VKORC1L1: variants seen among roughly 807,000 people sequenced by gnomAD.
VKORC1L1 encodes the protein vitamin K epoxide reductase complex subunit 1-like protein 1.
VKORC1L1 carries 2 observed loss-of-function variants against 18.9 expected under a neutral mutation model. The observed-to-expected ratio is 0.11, with a 90% confidence interval of 0.04 to 0.33. The LOEUF is 0.33. Ranked by LOEUF, VKORC1L1 falls within the 10% of genes least tolerant of loss-of-function variation. The pLI is 1.00. For synonymous variants in VKORC1L1, 96 were observed against 100.0 expected (o/e 0.96, Z 0.24); for missense variants, 123 against 224.1 (o/e 0.55, Z 2.88).
chr7:65,907,669 A>C (rs1789428264), intron 1 of VKORC1L1, among the ~76,000 whole-genome samples: 1 of 152,178 alleles, frequency 6.6e-6, no homozygotes, highest in African/African-American at 2.4e-5. Context: ...ATTTTGTTTT[A>C]ATCAGAGAGA....
chr7:65,953,758 T>C (rs992406257), intron 2 of VKORC1L1, among the ~76,000 whole-genome samples: 2 of 152,062 alleles, frequency 1.3e-5, no homozygotes, highest in African/African-American at 2.4e-5. Context: ...CCTGGCTACT[T>C]GGGAGGCTGA....
chr7:65,952,304 T>C (rs774078183), intron 2 of VKORC1L1, among the ~76,000 whole-genome samples: 1 of 152,208 alleles, frequency 6.6e-6, no homozygotes, highest in Non-Finnish European at 1.5e-5. Context: ...TCAACTCTTC[T>C]AGTATGAAAG....
rs564961104 is a variant in VKORC1L1 at position 65,921,776 on chromosome 7, A to T, written c.195-26895A>T. ...GGCAGGAGAATGGCATGAACCCGGG[A>T]GGCGGAGCTTGCAGTGAGCGGAGAT... On this transcript the variant is annotated intron_variant, in intron 1 of 2. Coordinates refer to ENST00000360768, the MANE Select transcript of VKORC1L1 (RefSeq NM_173517.6). Among the ~76,000 whole-genome samples, 163 of 151,490 alleles carry T rather than the reference A, an allele frequency of 1.1e-3. 2 individuals carry two copies. The highest frequency in any genetic ancestry group is 3.7e-3 in the African/African-American group (154 of 41,348).
At chr7:65,939,089 G>A (rs921529679) in intron 1 of VKORC1L1, among the ~76,000 whole-genome samples, 1 of 152,214 alleles carries the variant, frequency 6.6e-6, no homozygotes, top group Non-Finnish European at 1.5e-5. Context: ...AGAACATCAC[G>A]TAAGAGATTA....
intron 1 of VKORC1L1, among the ~76,000 whole-genome samples, chr7:65,898,267 A>G (rs1238542388): frequency 6.6e-6 from 1 of 151,574 alleles, no homozygotes; most frequent in Non-Finnish European, 1.5e-5. Context: ...TTGTATTTTT[A>G]GTAGAGACGG....
rs1790337459 is a variant in VKORC1L1 at position 65,958,477 on chromosome 7, A to AAT, written c.*4180_*4181dup. ...TAACTGGTAAATAAAACCAAATGTA[A>AAT]ATATGTAAGAATGTTTATTTGTTGC... On this transcript the variant is annotated 3_prime_UTR_variant, in exon 3 of 3. Transcript: ENST00000360768. The AAT allele has an allele frequency of 6.6e-6, 1 of 152,244 alleles. No individual in the cohort carries two copies. The allele number at this position is 152,244 out of a possible 1,614,324, so 9.4% of individuals were successfully genotyped here. A position where few individuals can be genotyped will look rare whatever the true frequency, so the allele number is the denominator to read the frequency against.
intron 1 of VKORC1L1, among the ~76,000 whole-genome samples, chr7:65,882,989 A>G (rs949485818): frequency 2.6e-5 from 4 of 152,218 alleles, no homozygotes; most frequent in African/African-American, 7.2e-5. Context: ...TTTATCATCT[A>G]TTCATCTTTG....
rs1304656231 is a variant in VKORC1L1, at chr7:65,955,647, A to G, written c.*1347A>G. On this transcript the variant is annotated 3_prime_UTR_variant, in exon 3 of 3. Transcript: ENST00000360768. The stretch of plus-strand genomic sequence containing the variant: ...GCCTTCTGTCTTAAATCTCAAACCA[A>G]ATATTTTGTGTGTTGACCTTGGGCA... 6.6e-6 allele frequency: 1 copy of G among 152,116 alleles called. No homozygotes were observed. Among genetic ancestry groups the G allele is most frequent in the Non-Finnish European group, 1.5e-5 (1 of 68,024 alleles). The allele number at this position is 152,116 out of a possible 1,614,324, so 9.4% of individuals were successfully genotyped here.
At chr7:65,866,792 G>A in the VKORC1L1 span, among the ~76,000 whole-genome samples, 7 of 151,918 alleles carry the variant, frequency 4.6e-5, no homozygotes, top group Non-Finnish European at 7.4e-5. Context: ...ATGCACATGC[G>A]GTCACAGCTA....
At chr7:65,909,690 T>TTGTGTGTGTGTGTGTGTGTG (rs56074368) in intron 1 of VKORC1L1, among the ~76,000 whole-genome samples, 7 of 123,842 alleles carry the variant, frequency 5.7e-5, no homozygotes, top group African/African-American at 1.9e-4. Flanking sequence ...GTTTTAGCCT[T>TTGTGTGTGTGTGTGTGTGTG]TGTGTGTGTG....
At chr7:65,911,710 GGCATGA>G (rs1789505302) in intron 1 of VKORC1L1, among the ~76,000 whole-genome samples, 1 of 152,196 alleles carries the variant, frequency 6.6e-6, no homozygotes, top group South Asian at 2.1e-4. Context: ...TGGGATCACA[GGCATGA>G]GCCACCATGC....
At chr7:65,913,371 A>C (rs1789533722) in intron 1 of VKORC1L1, among the ~76,000 whole-genome samples, 1 of 151,916 alleles carries the variant, frequency 6.6e-6, no homozygotes, top group East Asian at 1.9e-4. Context: ...TACAGCAGTC[A>C]AATAGGAGTT....
intron 1 of VKORC1L1, among the ~76,000 whole-genome samples, chr7:65,929,489 C>G (rs1789821563): frequency 6.6e-6 from 1 of 151,982 alleles, no homozygotes; most frequent in East Asian, 1.9e-4. Context: ...TGTCCTTTCA[C>G]CACTACCACA....
At chr7:65,902,049 A>G (rs1268011669) in intron 1 of VKORC1L1, among the ~76,000 whole-genome samples, 1 of 152,224 alleles carries the variant, frequency 6.6e-6, no homozygotes, top group Non-Finnish European at 1.5e-5. Context: ...TGTGTGTGAG[A>G]ACAAAGTCCA....
In VKORC1L1 at chr7:65,955,142, G is replaced by A. The variant is rs1246420980; in HGVS notation, c.*842G>A. The A allele has an allele frequency of 6.6e-6, 1 of 152,150 alleles. No homozygotes were observed. The highest frequency in any genetic ancestry group is 1.5e-5 in the Non-Finnish European group (1 of 68,042). 9.4% of individuals were successfully genotyped at this position (152,150 alleles called of 1,614,324 possible). A position where few individuals can be genotyped will look rare whatever the true frequency, so the allele number is the denominator to read the frequency against. On this transcript the variant is annotated 3_prime_UTR_variant, in exon 3 of 3. Coordinates refer to ENST00000360768, the MANE Select transcript of VKORC1L1 (RefSeq NM_173517.6). ...CAAGTCCAAGGCCTTCAGACACTAA[G>A]GATGGGAAAATGGGTATTTTTCTTT...
chr7:65,901,108 G>A (rs1181200371), intron 1 of VKORC1L1, among the ~76,000 whole-genome samples: 1 of 152,212 alleles, frequency 6.6e-6, no homozygotes, highest in African/African-American at 2.4e-5. Context: ...AGAGTTTAGT[G>A]TCAAACTAAG....
At chr7:65,875,099 G>T (rs1397033963) in intron 1 of VKORC1L1, among the ~76,000 whole-genome samples, 2 of 152,118 alleles carry the variant, frequency 1.3e-5, no homozygotes, top group Non-Finnish European at 2.9e-5. Context: ...CCAAAGGAGG[G>T]TAGGTAAAAA....
chr7:65,883,625 G>A (rs182906156), intron 1 of VKORC1L1, among the ~76,000 whole-genome samples: 4 of 151,900 alleles, frequency 2.6e-5, no homozygotes, highest in East Asian at 1.9e-4. Flanking sequence ...TCAGGCTCCC[G>A]AGTAGCTGGG....
chr7:65,886,755 T>TTCTCCAAACTTTCAGTCATTAGAGTGC (rs1789018434), intron 1 of VKORC1L1, among the ~76,000 whole-genome samples: 1 of 150,872 alleles, frequency 6.6e-6, no homozygotes, highest in East Asian at 2.0e-4. Context: ...GCCAGGATGG[T>TTCTCCAAACTTTCAGTCATTAGAGTGC]CTCAATCTCC....
Sources: allele counts gnomAD v4.1 joint callset (sites outside exome capture counted in the v4.1 genomes callset), GRCh38; gene constraint gnomAD v4.1.1; transcripts MANE v1.5; gene names NCBI Gene and HGNC (gene_info 2026-07-23, HGNC 2026-07-21).